MELK: variants seen among roughly 807,000 people sequenced by gnomAD.
MELK encodes maternal embryonic leucine zipper kinase, also known as pEg3 kinase.
In MELK, 81 loss-of-function variants were observed where a neutral mutation model predicts 85.0. That is an observed-to-expected ratio of 0.95 (90% CI 0.80 to 1.15). MELK has a LOEUF of 1.15. Among genes scored for constraint, MELK ranks in the 50% most tolerant of loss-of-function variants. The probability of loss-of-function intolerance (pLI) is 0.00; values close to 1 mark genes in which losing one functional copy is unlikely to be tolerated. For synonymous variants in MELK, 252 were observed against 265.0 expected (o/e 0.95, Z 0.48); for missense variants, 754 against 777.5 (o/e 0.97, Z 0.36).
Position 36,594,332 on chromosome 9 carries a change from T to G in MELK, c.262-296T>G, listed in dbSNP as rs1390148132. On this transcript the variant is annotated intron_variant, in intron 4 of 17. Coordinates refer to ENST00000298048, the MANE Select transcript of MELK (RefSeq NM_014791.4). ...TTAAGATGAGAATGGCTTTTAATAC[T>G]TTGCTATAAAAATATAAAACCCTGG... Among the ~76,000 whole-genome samples, 5 of 152,336 alleles carry G rather than the reference T, an allele frequency of 3.3e-5. 1 individual carries two copies. Among genetic ancestry groups the G allele is most frequent in the African/African-American group, 1.2e-4 (5 of 41,576 alleles).
chr9:36,649,651 C>T (rs1830518309), intron 11 of MELK, among the ~76,000 whole-genome samples: 1 of 152,082 alleles, frequency 6.6e-6, no homozygotes, highest in South Asian at 2.1e-4. Flanking sequence ...TGCCTGTAAT[C>T]CCGGGTACTC....
At chr9:36,656,578 G>T (rs1333598218) in intron 12 of MELK, among the ~76,000 whole-genome samples, 2 of 151,980 alleles carry the variant, frequency 1.3e-5, no homozygotes, top group Non-Finnish European at 2.9e-5. Context: ...ATTTATGATG[G>T]TGGTCCCATA....
chr9:36,616,823 GTTTT>G (rs11325318), intron 8 of MELK, among the ~76,000 whole-genome samples: 1 of 124,016 alleles, frequency 8.1e-6, no homozygotes, highest in Admixed American at 8.0e-5. Flanking sequence ...CCCCTTCCCA[GTTTT>G]TTTTTTTTTT....
At chr9:36,599,300 CAAAAAAA>C (rs34715003) in intron 6 of MELK, 87 bp from the exon 7 acceptor site, 3,352 of 378,794 alleles carry the variant, frequency 8.8e-3, no homozygotes, top group South Asian at 0.012. Flanking sequence ...GACTCCGTCT[CAAAAAAA>C]AAAAAAAAAA....
In MELK at chr9:36,651,782, C is replaced by T; in HGVS notation, c.958C>T (p.Leu320Phe). 2 of 1,614,010 alleles carry T rather than the reference C, an allele frequency of 1.2e-6. No individual in the cohort carries two copies. The highest frequency in any genetic ancestry group is 2.2e-5 in the South Asian group (2 of 91,066). Residue 320 changes from leucine to phenylalanine, a missense_variant, in exon 12 of 18, where the codon CTT becomes TTT. Physicochemically the swap from Leu to Phe is conservative, Grantham distance 22. Transcript: ENST00000298048. ...TCACCTCACGGCTACCTATCTTCTGCTTCTAGCCAAGAAGGCTCGGGGAAA... is the reference window on the plus strand; with the variant it reads ...TCACCTCACGGCTACCTATCTTCTGTTTCTAGCCAAGAAGGCTCGGGGAAA... ...YDHLTATYLL[L>F]LAKKARGKPV...
chr9:36,669,622 G>A (rs1415538968), intron 15 of MELK, among the ~76,000 whole-genome samples: 2 of 152,064 alleles, frequency 1.3e-5, no homozygotes, highest in African/African-American at 2.4e-5. Flanking sequence ...GCAGTAGGAC[G>A]GCACCTTAAG....
intron 10 of MELK, among the ~76,000 whole-genome samples, chr9:36,638,867 A>G (rs180760971): frequency 8.5e-5 from 13 of 152,338 alleles, no homozygotes; most frequent in African/African-American, 2.9e-4. Context: ...TAACTTGCCC[A>G]TGGTCAAACA....
chr9:36,604,764 C>T (rs938632943), intron 7 of MELK, among the ~76,000 whole-genome samples: 1 of 151,760 alleles, frequency 6.6e-6, no homozygotes, highest in Non-Finnish European at 1.5e-5. Context: ...CTGCCTCAGC[C>T]TCCCGAATTG....
intron 12 of MELK, among the ~76,000 whole-genome samples, chr9:36,656,129 G>T (rs1198100313): frequency 6.6e-6 from 1 of 152,126 alleles, no homozygotes; most frequent in Non-Finnish European, 1.5e-5. Flanking sequence ...TTATTTTGGT[G>T]GCGTTGTTAG....
intron 10 of MELK, among the ~76,000 whole-genome samples, chr9:36,636,612 G>C (rs1829165581): frequency 6.6e-6 from 1 of 152,168 alleles, no homozygotes; most frequent in Admixed American, 6.5e-5. Context: ...CTGGGGTCGT[G>C]GCTACAGTCA....
chr9:36,636,820 CTGTCTTTCT>C (rs199934493), intron 10 of MELK, among the ~76,000 whole-genome samples: 1,695 of 146,656 alleles, frequency 0.012, 55 homozygotes, highest in African/African-American at 0.037. Flanking sequence ...TTCTTTCTTT[CTGTCTTTCT>C]TGTCTTTCTT....
chr9:36,614,651 G>T (rs1826396407), intron 8 of MELK, among the ~76,000 whole-genome samples: 1 of 113,590 alleles, frequency 8.8e-6, no homozygotes, highest in Non-Finnish European at 1.7e-5. Context: ...TAACGAGCAT[G>T]CTGCCTTCAA....
At position 36,661,375 on chromosome 9, in the gene MELK, C is replaced by A. The variant is rs1831797657; in HGVS notation, c.1177-3975C>A. 2.6e-5 allele frequency among the ~76,000 whole-genome samples: 4 copies of A among 152,150 alleles called. 1 individual carries two copies. In the South Asian group the frequency reaches 8.3e-4, roughly 32 times the overall value. ...TTGAAGGTATAGATTTCAGTTTTTCCCAAAATGAATTTTAAATTTAATGTA... is the reference window on the plus strand; with the variant it reads ...TTGAAGGTATAGATTTCAGTTTTTCACAAAATGAATTTTAAATTTAATGTA... On this transcript the variant is annotated intron_variant, in intron 13 of 17. Transcript: ENST00000298048.
chr9:36,675,103 T>C (rs941909717), intron 17 of MELK, among the ~76,000 whole-genome samples, 166 bp downstream of exon 17: 2 of 152,168 alleles, frequency 1.3e-5, no homozygotes, highest in African/African-American at 4.8e-5. Context: ...CTGGCCAACA[T>C]GGAGAAGCCC....
intron 8 of MELK, among the ~76,000 whole-genome samples, chr9:36,618,234 C>A (rs542791331): frequency 1.6e-4 from 25 of 151,804 alleles, no homozygotes; most frequent in Non-Finnish European, 2.9e-5. Context: ...CATGGTGAAA[C>A]CCCATCTCTA....
At chr9:36,580,176 G>A (rs7865447) in intron 1 of MELK, among the ~76,000 whole-genome samples, 1 of 150,734 alleles carries the variant, frequency 6.6e-6, no homozygotes, top group Non-Finnish European at 1.5e-5. Context: ...CTACAGGCGC[G>A]TGCCACCACC....
chr9:36,658,883 A>AT (rs537014195), intron 13 of MELK, among the ~76,000 whole-genome samples: 6,172 of 95,790 alleles, frequency 0.064, 513 homozygotes, highest in African/African-American at 0.2. Flanking sequence ...TTTTTTTTCT[A>AT]TTTTTTTTTT....
chr9:36,620,343 G>T (rs1827271031), intron 8 of MELK, among the ~76,000 whole-genome samples: 1 of 152,030 alleles, frequency 6.6e-6, no homozygotes, highest in African/African-American at 2.4e-5. Context: ...ATTCATTTAG[G>T]TATTACTGTG....
At chr9:36,605,550 C>T (rs1206992564) in intron 7 of MELK, among the ~76,000 whole-genome samples, 1 of 151,926 alleles carries the variant, frequency 6.6e-6, no homozygotes, top group Non-Finnish European at 1.5e-5. Context: ...GTCATACCAT[C>T]ATGTCTCAAT....
Sources: allele counts gnomAD v4.1 joint callset (sites outside exome capture counted in the v4.1 genomes callset), GRCh38; gene constraint gnomAD v4.1.1; transcripts MANE v1.5; gene names NCBI Gene and HGNC (gene_info 2026-07-23, HGNC 2026-07-21).